TAPT1: variants seen among roughly 807,000 people sequenced by gnomAD.
The protein encoded by TAPT1 is transmembrane anterior posterior transformation protein 1 homolog.
In TAPT1, 28 loss-of-function variants were observed where a neutral mutation model predicts 65.6. That is an observed-to-expected ratio of 0.43 (90% CI 0.32 to 0.59). The LOEUF is 0.59. Ranked by LOEUF, TAPT1 falls within the 20% of genes least tolerant of loss-of-function variation. The pLI, the probability that TAPT1 is intolerant of heterozygous loss-of-function variation, is 0.09. For missense variants in TAPT1, 563 were observed against 679.9 expected, an observed-to-expected ratio of 0.83 and a Z score of 1.91; for synonymous variants, 278 against 245.2, an observed-to-expected ratio of 1.13 and a Z score of -1.25.
At chr4:16,175,788 G>A (rs1182046764) in intron 9 of TAPT1, among the ~76,000 whole-genome samples, 2 of 152,172 alleles carry the variant, frequency 1.3e-5, no homozygotes, top group South Asian at 2.1e-4. Context: ...TAGCCAGAGA[G>A]AAAAATTTTG....
intron 9 of TAPT1, 116 bp downstream of exon 9, chr4:16,176,003 C>A: frequency 3.7e-6 from 2 of 543,310 alleles, no homozygotes; most frequent in Admixed American, 3.8e-5. Context: ...TTTTTAGAAA[C>A]TTAAAATTAC....
chr4:16,173,562 T>C (rs1331752635), intron 11 of TAPT1, among the ~76,000 whole-genome samples: 2 of 152,148 alleles, frequency 1.3e-5, no homozygotes, highest in Admixed American at 1.3e-4. Flanking sequence ...AAAAAATACA[T>C]ACTTCTTGGG....
intron 1 of TAPT1, among the ~76,000 whole-genome samples, chr4:16,223,321 A>G (rs1206555885): frequency 6.6e-6 from 1 of 152,260 alleles, no homozygotes; most frequent in African/African-American, 2.4e-5. Flanking sequence ...GGGAACAAGC[A>G]CAAAAACATA....
At chr4:16,188,198 T>C in intron 5 of TAPT1, 22 bp downstream of exon 5, 1 of 1,570,750 alleles carries the variant, frequency 6.4e-7, no homozygotes, top group African/African-American at 1.4e-5. Flanking sequence ...GTCGGAAATT[T>C]CCAGTAGGTC....
intron 13 of TAPT1, among the ~76,000 whole-genome samples, chr4:16,163,774 A>G (rs1183028806): frequency 6.6e-6 from 1 of 152,214 alleles, no homozygotes; most frequent in African/African-American, 2.4e-5. Context: ...CGTATCACAC[A>G]AACAATGCCA....
intron 2 of TAPT1, among the ~76,000 whole-genome samples, chr4:16,206,769 A>G (rs1750371434): frequency 6.6e-6 from 1 of 152,190 alleles, no homozygotes; most frequent in Non-Finnish European, 1.5e-5. Context: ...GAAATGAGAG[A>G]AATAAGTGAT....
At chr4:16,183,531 A>G (rs1254933762) in intron 7 of TAPT1, among the ~76,000 whole-genome samples, 1 of 152,200 alleles carries the variant, frequency 6.6e-6, no homozygotes, top group Admixed American at 6.5e-5. Context: ...CATGCTGGCC[A>G]TAAGGTTAAA....
At chr4:16,189,657 G>A (rs935336578) in intron 4 of TAPT1, among the ~76,000 whole-genome samples, 1 of 152,204 alleles carries the variant, frequency 6.6e-6, no homozygotes, top group East Asian at 1.9e-4. Flanking sequence ...TTTGGTCAGA[G>A]GTGGTTTGCC....
chr4:16,200,918 AAG>A (rs1749990562), intron 3 of TAPT1, among the ~76,000 whole-genome samples: 1 of 152,206 alleles, frequency 6.6e-6, no homozygotes, highest in East Asian at 1.9e-4. Context: ...CAAAAGAAAA[AAG>A]GATGTACTAG....
intron 3 of TAPT1, among the ~76,000 whole-genome samples, chr4:16,193,151 T>C (rs193252270): frequency 2.6e-3 from 397 of 152,346 alleles, no homozygotes; most frequent in Non-Finnish European, 4.8e-3. Flanking sequence ...ATCTAAGATA[T>C]TGCAGAAATT....
intron 7 of TAPT1, among the ~76,000 whole-genome samples, chr4:16,186,072 C>T (rs932256107): frequency 1.3e-5 from 2 of 152,156 alleles, no homozygotes; most frequent in Non-Finnish European, 1.5e-5. Flanking sequence ...TGACTCCAGG[C>T]ACAAAAATTT....
chr4:16,226,323 C>T lies in TAPT1; in HGVS notation c.135G>A (p.Gln45=). ...SGGQGPPPAP[Q]LTETLGFYES... ...CGTAGAAGCCCAGCGTCTCTGTGAG[C>T]TGAGGCGCCGGCGGGGGCCCCTGTC... The change falls in exon 1 of 14, where the codon CAG becomes CAA. Residue 45 remains glutamine (Q), a synonymous_variant. Coordinates refer to ENST00000405303, the MANE Select transcript of TAPT1 (RefSeq NM_153365.3). The T allele has an allele frequency of 1.8e-6, 2 of 1,123,076 alleles. No homozygotes were observed. Among genetic ancestry groups the T allele is most frequent in the South Asian group, 4.3e-5 (1 of 23,398 alleles). 69.6% of individuals were successfully genotyped at this position (1,123,076 alleles called of 1,614,324 possible).
intron 1 of TAPT1, 52 bp from the exon 2 acceptor site, chr4:16,213,950 C>T (rs1463294604): frequency 5.9e-6 from 9 of 1,512,746 alleles, no homozygotes; most frequent in Non-Finnish European, 8.0e-6. Flanking sequence ...TATCAAGGAA[C>T]TTCCACGCTA....
At chr4:16,208,776 A>C (rs1750487669) in intron 2 of TAPT1, among the ~76,000 whole-genome samples, 1 of 152,242 alleles carries the variant, frequency 6.6e-6, no homozygotes, top group African/African-American at 2.4e-5. Context: ...TACAGCTAAA[A>C]GCATTCCTAA....
At chr4:16,180,289 T>G (rs1314939380) in intron 7 of TAPT1, among the ~76,000 whole-genome samples, 1 of 152,216 alleles carries the variant, frequency 6.6e-6, no homozygotes, top group Non-Finnish European at 1.5e-5. Context: ...ACTGAATTCT[T>G]GCTAAAGGCC....
At chr4:16,180,587 T>C (rs1274892376) in intron 7 of TAPT1, among the ~76,000 whole-genome samples, 1 of 152,222 alleles carries the variant, frequency 6.6e-6, no homozygotes, top group African/African-American at 2.4e-5. Flanking sequence ...GCGCTCTGAA[T>C]TTCAATTTCA....
chr4:16,202,276 A>G (rs1340157541), intron 3 of TAPT1, among the ~76,000 whole-genome samples, 186 bp downstream of exon 3: 2 of 152,190 alleles, frequency 1.3e-5, no homozygotes, highest in African/African-American at 2.4e-5. Flanking sequence ...GAAAAAAATA[A>G]GCATATAAAA....
chr4:16,176,798 C>A (rs1280876151), intron 8 of TAPT1: 1 of 152,230 alleles, frequency 6.6e-6, no homozygotes, highest in Non-Finnish European at 1.5e-5. Context: ...CCTCTGCCTT[C>A]ACGAAGCCTA....
At chr4:16,191,572 C>T (rs1487843686) in intron 3 of TAPT1, 49 bp from the exon 4 acceptor site, 2 of 1,494,428 alleles carry the variant, frequency 1.3e-6, no homozygotes. Flanking sequence ...TCTGTATGTT[C>T]TCACAAAAAC....
Sources: gnomAD v4.1 joint callset for allele counts (sites outside exome capture counted in the v4.1 genomes callset) on GRCh38, gnomAD v4.1.1 for gene constraint, MANE v1.5 for transcripts, NCBI Gene and HGNC (gene_info 2026-07-23, HGNC 2026-07-21) for gene names.